Variants in ROBO1 observed in about 807,000 individuals in gnomAD.
ROBO1 encodes roundabout guidance receptor 1.
ROBO1 carries 149 observed loss-of-function variants against 195.9 expected under a neutral mutation model. The ratio of observed to expected loss-of-function variants is 0.76; its 90% CI spans 0.67 to 0.87. The LOEUF (loss-of-function observed/expected upper bound fraction) is 0.87. Among genes scored for constraint, ROBO1 ranks in the 40% least tolerant of loss-of-function variants. The pLI, the probability that ROBO1 is intolerant of heterozygous loss-of-function variation, is 0.00. For synonymous variants in ROBO1, 816 were observed against 733.2 expected, an observed-to-expected ratio of 1.11 and a Z score of -1.82; for missense variants, 1,933 against 2,068.3, an observed-to-expected ratio of 0.93 and a Z score of 1.27.
chr3:78,608,993 A>C (rs1299946926), intron 28 of ROBO1, among the ~76,000 whole-genome samples: 1 of 152,200 alleles, frequency 6.6e-6, no homozygotes, highest in African/African-American at 2.4e-5. Flanking sequence ...GTATTTGTAA[A>C]TAAAATCTGA....
At chr3:79,209,583 T>C (rs2081935016) in intron 2 of ROBO1, among the ~76,000 whole-genome samples, 1 of 152,144 alleles carries the variant, frequency 6.6e-6, no homozygotes, top group Non-Finnish European at 1.5e-5. Context: ...CTCCATACTG[T>C]TTTCCATAGT....
At chr3:79,042,947 T>C (rs1389536025) in intron 3 of ROBO1, among the ~76,000 whole-genome samples, 1 of 152,070 alleles carries the variant, frequency 6.6e-6, no homozygotes, top group Admixed American at 6.6e-5. Context: ...ATTCAGAAAA[T>C]AAAATTGTAT....
intron 2 of ROBO1, among the ~76,000 whole-genome samples, chr3:79,319,788 C>G (rs571003362): frequency 6.6e-6 from 1 of 152,060 alleles, no homozygotes; most frequent in Non-Finnish European, 1.5e-5. Context: ...ATAAAAAATG[C>G]CTACCATAAC....
intron 3 of ROBO1, among the ~76,000 whole-genome samples, chr3:79,061,341 G>A (rs569567722): frequency 1.6e-4 from 25 of 152,178 alleles, no homozygotes; most frequent in East Asian, 3.9e-4. Flanking sequence ...ACTGCTCAAC[G>A]AAATAAAAGA....
At chr3:78,933,608 A>T (rs1023140611) in intron 4 of ROBO1, among the ~76,000 whole-genome samples, 1 of 152,036 alleles carries the variant, frequency 6.6e-6, no homozygotes. Flanking sequence ...GTCATTAAAG[A>T]TGATAAAATA....
intron 1 of ROBO1, among the ~76,000 whole-genome samples, chr3:79,615,388 T>A (rs1944788817): frequency 1.3e-5 from 2 of 152,310 alleles, no homozygotes; most frequent in African/African-American, 4.8e-5. Context: ...AACGTACATG[T>A]ATTGATTGAT....
intron 3 of ROBO1, among the ~76,000 whole-genome samples, chr3:79,028,131 T>TA (rs2078234213): frequency 6.6e-6 from 1 of 152,022 alleles, no homozygotes; most frequent in African/African-American, 2.4e-5. Context: ...TTGGTTCTAA[T>TA]AAGATTTTAA....
chr3:78,802,421 C>A (rs889413493), intron 4 of ROBO1, among the ~76,000 whole-genome samples: 1 of 152,056 alleles, frequency 6.6e-6, no homozygotes, highest in African/African-American at 2.4e-5. Flanking sequence ...CATGAAGGAG[C>A]ATGTTTCATT....
At chr3:79,641,622 G>A (rs1945664247) in intron 1 of ROBO1, among the ~76,000 whole-genome samples, 1 of 152,104 alleles carries the variant, frequency 6.6e-6, no homozygotes, top group African/African-American at 2.4e-5. Flanking sequence ...TGTGAAATGT[G>A]AGCCCTCTGA....
chr3:78,945,839 T>C (rs1421930795), intron 3 of ROBO1, among the ~76,000 whole-genome samples: 1 of 151,952 alleles, frequency 6.6e-6, no homozygotes, highest in Non-Finnish European at 1.5e-5. Context: ...CTGATGGAGC[T>C]GAAAACCAAG....
chr3:79,182,649 C>A (rs917922117), intron 2 of ROBO1, among the ~76,000 whole-genome samples: 2 of 151,810 alleles, frequency 1.3e-5, no homozygotes, highest in African/African-American at 4.8e-5. Flanking sequence ...TGTAAAGGGG[C>A]TAAATCCTAG....
intron 1 of ROBO1, among the ~76,000 whole-genome samples, chr3:79,668,456 A>G (rs1039526958): frequency 3.3e-5 from 5 of 151,518 alleles, no homozygotes; most frequent in African/African-American, 1.2e-4. Context: ...ATAAATATGG[A>G]AAGATTCCAA....
chr3:78,947,734 G>A (rs111608864), intron 3 of ROBO1, among the ~76,000 whole-genome samples: 14,990 of 152,100 alleles, frequency 0.099, 1,742 homozygotes, highest in African/African-American at 0.29. Flanking sequence ...GAATCCAGGA[G>A]CTGGTTTTTT....
At chr3:78,793,145 A>G (rs1199604505) in intron 4 of ROBO1, among the ~76,000 whole-genome samples, 1 of 151,980 alleles carries the variant, frequency 6.6e-6, no homozygotes, top group African/African-American at 2.4e-5. Context: ...CAAAAAAAAA[A>G]AAAGAAAGAA....
chr3:79,234,906 C>A (rs2082381775), intron 2 of ROBO1, among the ~76,000 whole-genome samples: 1 of 152,038 alleles, frequency 6.6e-6, no homozygotes, highest in African/African-American at 2.4e-5. Flanking sequence ...ATCAATCATA[C>A]CCTAAACCTC....
chr3:79,621,849 G>GCAGT (rs1945017953), intron 1 of ROBO1, among the ~76,000 whole-genome samples: 1 of 152,074 alleles, frequency 6.6e-6, no homozygotes, highest in Non-Finnish European at 1.5e-5. Flanking sequence ...AAGCAATTGC[G>GCAGT]CAGTTGAGAC....
chr3:79,238,550 C>T (rs1192340812), intron 2 of ROBO1, among the ~76,000 whole-genome samples: 2 of 152,130 alleles, frequency 1.3e-5, no homozygotes, highest in Non-Finnish European at 2.9e-5. Flanking sequence ...TATTTAAGTT[C>T]CACTTCCCTC....
At chr3:79,425,249 T>C (rs1377762302) in intron 2 of ROBO1, among the ~76,000 whole-genome samples, 2 of 152,202 alleles carry the variant, frequency 1.3e-5, no homozygotes, top group African/African-American at 4.8e-5. Context: ...CAGAAACTTG[T>C]TAGAAACGGA....
intron 2 of ROBO1, among the ~76,000 whole-genome samples, chr3:79,300,451 T>C (rs1341876174): frequency 2.6e-5 from 4 of 152,176 alleles, no homozygotes; most frequent in African/African-American, 9.7e-5. Flanking sequence ...TTAGCTGCCT[T>C]CCCGCGGGGC....
Sources: allele counts gnomAD v4.1 joint callset (sites outside exome capture counted in the v4.1 genomes callset), GRCh38; gene constraint gnomAD v4.1.1; transcripts MANE v1.5; gene names NCBI Gene and HGNC (gene_info 2026-07-23, HGNC 2026-07-21).